Variants in EFCAB6 observed in about 807,000 individuals in gnomAD.
The protein encoded by EFCAB6 is EF-hand calcium-binding domain-containing protein 6.
EFCAB6 carries 156 observed loss-of-function variants against 169.8 expected under a neutral mutation model. The observed-to-expected ratio is 0.92, with a 90% CI of 0.81 to 1.05. EFCAB6 has a LOEUF of 1.05. EFCAB6 is among the 50% of genes least tolerant of loss of function. EFCAB6 has a pLI of 0.00. For synonymous variants in EFCAB6, 698 were observed against 676.4 expected, an observed-to-expected ratio of 1.03 and a Z score of -0.50; for missense variants, 1,800 against 1,829.1, an observed-to-expected ratio of 0.98 and a Z score of 0.29.
intron 30 of EFCAB6, among the ~76,000 whole-genome samples, 197 bp downstream of exon 30, chr22:43,534,491 C>T (rs1410263644): frequency 6.6e-6 from 1 of 151,864 alleles, no homozygotes; most frequent in Admixed American, 6.5e-5. Flanking sequence ...CTGGATATGG[C>T]AGCTTGTGCC....
intron 23 of EFCAB6, among the ~76,000 whole-genome samples, chr22:43,590,603 C>T (rs988662705): frequency 2.0e-5 from 3 of 152,040 alleles, no homozygotes; most frequent in Admixed American, 2.0e-4. Flanking sequence ...CTATGACATG[C>T]CAGATGCTCC....
At chr22:43,653,667 A>C (rs1452932281) in intron 17 of EFCAB6, among the ~76,000 whole-genome samples, 1 of 152,234 alleles carries the variant, frequency 6.6e-6, no homozygotes, top group Non-Finnish European at 1.5e-5. Context: ...CTGGAGCAGA[A>C]GCCACTGAGA....
chr22:43,744,079 G>GGAT lies in EFCAB6; in HGVS notation c.508-8089_508-8087dup, dbSNP rs1398514056. ...TGCATGGATGGATGAACGGATGAAT[G>GGAT]GATGAATGATGAATGAATGAATGAA... On this transcript the variant is annotated intron_variant, in intron 6 of 31. Transcript: ENST00000262726. This position sits in a 1 kb window ranked among gnomAD's most constrained non-coding sequence, Gnocchi z 4.3. Among the ~76,000 whole-genome samples, 2 of 148,446 alleles carry GGAT rather than the reference G, an allele frequency of 1.3e-5. No homozygotes were observed. The highest frequency in any genetic ancestry group is 3.0e-5 in the Non-Finnish European group (2 of 67,152).
chr22:43,669,932 C>A (rs957812748), intron 15 of EFCAB6, among the ~76,000 whole-genome samples: 3 of 152,146 alleles, frequency 2.0e-5, no homozygotes, highest in Non-Finnish European at 4.4e-5. Context: ...CCATCAGAGG[C>A]AACATGTGTG....
At chr22:43,692,593 A>T (rs932822013) in intron 10 of EFCAB6, among the ~76,000 whole-genome samples, 14 of 152,214 alleles carry the variant, frequency 9.2e-5, no homozygotes, top group Admixed American at 7.2e-4. Flanking sequence ...ACTATTTGAA[A>T]TAAAAAATTT....
At chr22:43,667,305 T>A (rs376749301) in intron 16 of EFCAB6, 33 bp from the exon 17 acceptor site, 561 of 1,605,534 alleles carry the variant, frequency 3.5e-4, no homozygotes, top group Middle Eastern at 1.2e-3. Flanking sequence ...AGACCCAGTG[T>A]CAACTGACAC....
At chr22:43,558,469 T>G (rs1462998785) in intron 26 of EFCAB6, among the ~76,000 whole-genome samples, 1 of 152,236 alleles carries the variant, frequency 6.6e-6, no homozygotes, top group Non-Finnish European at 1.5e-5. Flanking sequence ...TTTTATAAAC[T>G]GAAGGATTGT....
intron 26 of EFCAB6, among the ~76,000 whole-genome samples, chr22:43,564,883 G>A (rs2049324429): frequency 6.6e-6 from 1 of 152,186 alleles, no homozygotes; most frequent in South Asian, 2.1e-4. Flanking sequence ...CATAGAAGGG[G>A]GTGGTAGACT....
chr22:43,608,160 G>A (rs540914830), intron 22 of EFCAB6, among the ~76,000 whole-genome samples: 3 of 152,200 alleles, frequency 2.0e-5, no homozygotes, highest in South Asian at 2.1e-4. Flanking sequence ...TCCTTGGAGA[G>A]TGACTTGTTT....
At chr22:43,580,382 G>A in intron 25 of EFCAB6, 82 bp downstream of exon 25, 3 of 1,447,772 alleles carry the variant, frequency 2.1e-6, no homozygotes, top group Non-Finnish European at 2.8e-6. Flanking sequence ...ACAGAGGTGG[G>A]AGGGGTTTCA....
intron 8 of EFCAB6, among the ~76,000 whole-genome samples, chr22:43,724,786 C>T (rs546260508): frequency 6.6e-6 from 1 of 152,298 alleles, no homozygotes; most frequent in East Asian, 1.9e-4. Context: ...ACCCATAATG[C>T]TTTGCTCATG....
intron 2 of EFCAB6, among the ~76,000 whole-genome samples, chr22:43,804,407 T>G (rs1260414335): frequency 6.6e-6 from 1 of 152,078 alleles, no homozygotes; most frequent in Non-Finnish European, 1.5e-5. Context: ...ATGATGCACT[T>G]CAAGGAGCTA....
chr22:43,718,599 G>A (rs948152916), intron 8 of EFCAB6, among the ~76,000 whole-genome samples: 3 of 152,096 alleles, frequency 2.0e-5, no homozygotes, highest in African/African-American at 7.2e-5. Context: ...ACTGGCCAAC[G>A]TGGTGAAACC....
intron 15 of EFCAB6, among the ~76,000 whole-genome samples, chr22:43,671,585 A>G (rs1298652882): frequency 6.6e-6 from 1 of 152,238 alleles, no homozygotes; most frequent in Non-Finnish European, 1.5e-5. Flanking sequence ...AATACAAGAT[A>G]TTACTAAAAA....
intron 27 of EFCAB6, among the ~76,000 whole-genome samples, chr22:43,542,795 G>A (rs568266581): frequency 1.2e-4 from 19 of 152,252 alleles, no homozygotes; most frequent in African/African-American, 4.1e-4. Flanking sequence ...AGGGCACAAC[G>A]AGGCTGGACA....
At chr22:43,595,611 TC>T (rs2051938536) in intron 23 of EFCAB6, among the ~76,000 whole-genome samples, 1 of 152,044 alleles carries the variant, frequency 6.6e-6, no homozygotes, top group Non-Finnish European at 1.5e-5. Context: ...ATAAAAAGTT[TC>T]CCATCAAAGA....
At chr22:43,607,570 C>A (rs982290752) in intron 22 of EFCAB6, among the ~76,000 whole-genome samples, 1 of 152,212 alleles carries the variant, frequency 6.6e-6, no homozygotes. Context: ...TGTGTTGGAA[C>A]TGATCTTTAA....
chr22:43,628,699 C>T lies in EFCAB6; in HGVS notation c.2233-2020G>A, dbSNP rs986093548. ...GTGTCCGCAGGGCTCACTCTGGCTCCTTCATGACTGTGTCTGAGTGTCCCC... is the reference window on the plus strand; with the variant it reads ...GTGTCCGCAGGGCTCACTCTGGCTCTTTCATGACTGTGTCTGAGTGTCCCC... On this transcript the variant is annotated intron_variant, in intron 19 of 31. Coordinates refer to ENST00000262726, the MANE Select transcript of EFCAB6 (RefSeq NM_022785.4). The surrounding 1 kb of genome is among the most constrained non-coding windows in gnomAD (Gnocchi z 4.8). 6.6e-6 allele frequency among the ~76,000 whole-genome samples: 1 copy of T among 152,182 alleles called. No individual in the cohort carries two copies. The highest frequency in any genetic ancestry group is 2.4e-5 in the African/African-American group (1 of 41,444).
chr22:43,711,877 C>A (rs2059173713), intron 9 of EFCAB6, among the ~76,000 whole-genome samples: 1 of 152,210 alleles, frequency 6.6e-6, no homozygotes, highest in South Asian at 2.1e-4. Context: ...AATAGCTCCA[C>A]CTCAAATTTC....
Sources: allele counts gnomAD v4.1 joint callset (sites outside exome capture counted in the v4.1 genomes callset), GRCh38; gene constraint gnomAD v4.1.1; non-coding constraint Gnocchi (gnomAD v3.1); transcripts MANE v1.5; gene names NCBI Gene and HGNC (gene_info 2026-07-23, HGNC 2026-07-21).